The following SESTD1 variants were observed in gnomAD, a reference collection of about 807,000 sequenced individuals.
SESTD1 encodes SEC14 and spectrin domain containing 1.
SESTD1 carries 43 observed loss-of-function variants against 101.7 expected under a neutral mutation model. The ratio of observed to expected loss-of-function variants is 0.42; its 90% CI spans 0.33 to 0.55. The LOEUF (loss-of-function observed/expected upper bound fraction) is 0.55. SESTD1 is among the 20% of genes least tolerant of loss of function. The pLI is 0.07. For missense variants in SESTD1, 647 were observed against 815.1 expected (o/e 0.79, Z 2.51); for synonymous variants, 283 against 286.8 (o/e 0.99, Z 0.13).
At chr2:179,124,607 G>A in intron 10 of SESTD1, 49 bp from the exon 11 acceptor site, 1 of 1,434,556 alleles carries the variant, frequency 7.0e-7, no homozygotes, top group Non-Finnish European at 9.6e-7. Context: ...TTAGTTCCTG[G>A]AAGAGATTAC....
At chr2:179,231,966 T>A (rs2046995324) in intron 1 of SESTD1, among the ~76,000 whole-genome samples, 2 of 152,108 alleles carry the variant, frequency 1.3e-5, no homozygotes, top group South Asian at 4.1e-4. Flanking sequence ...ACTACAGGGA[T>A]GTACAGACAT....
chr2:179,249,732 A>G (rs990943717), intron 1 of SESTD1, among the ~76,000 whole-genome samples: 1 of 152,196 alleles, frequency 6.6e-6, no homozygotes, highest in African/African-American at 2.4e-5. Context: ...AGTAGAAGGA[A>G]TCAGTTAACC....
At chr2:179,169,537 G>C (rs2045894020) in intron 5 of SESTD1, among the ~76,000 whole-genome samples, 1 of 151,986 alleles carries the variant, frequency 6.6e-6, no homozygotes, top group Admixed American at 6.6e-5. Flanking sequence ...AAAACAGGCA[G>C]ACACAACATT....
chr2:179,206,312 A>C (rs952771880), intron 1 of SESTD1, among the ~76,000 whole-genome samples: 1 of 134,468 alleles, frequency 7.4e-6, no homozygotes, highest in African/African-American at 2.9e-5. Context: ...ACCACAAAAC[A>C]GCTAAAAAAC....
intron 1 of SESTD1, among the ~76,000 whole-genome samples, chr2:179,254,033 G>C (rs1311130086): frequency 6.6e-6 from 1 of 152,070 alleles, no homozygotes; most frequent in Non-Finnish European, 1.5e-5. Context: ...CCAGAAGGTT[G>C]AGGCTGCAGA....
chr2:179,181,435 A>C (rs1042293927), intron 3 of SESTD1, among the ~76,000 whole-genome samples: 1 of 152,220 alleles, frequency 6.6e-6, no homozygotes, highest in African/African-American at 2.4e-5. Flanking sequence ...TCATGGAAAG[A>C]TAATACAGTC....
intron 5 of SESTD1, among the ~76,000 whole-genome samples, chr2:179,160,446 A>C (rs1286801845): frequency 6.6e-6 from 1 of 151,856 alleles, no homozygotes; most frequent in Non-Finnish European, 1.5e-5. Flanking sequence ...TTAAAAGTAC[A>C]AAATGGCACA....
At position 179,132,377 on chromosome 2, in the gene SESTD1, C is replaced by A; in HGVS notation, c.899G>T (p.Trp300Leu). ...GGCCCTAATGGAGTCTCCAATGCCC[C>A]ACTGGGCTCTTAGTTGTTCTGATCC... ...GPGSEQLRAQWGIGDSIRASQ... is the reference protein window; with the variant it reads ...GPGSEQLRAQLGIGDSIRASQ... The change falls in exon 10 of 18, where the codon TGG becomes TTG. Residue 300 changes from tryptophan to leucine, a missense_variant. By Grantham distance (61) the Trp-to-Leu change is moderately conservative. This residue lies in a region of SESTD1 where 476 missense variants were observed against 562.6 expected (regional missense o/e 0.85). Coordinates refer to ENST00000428443, the MANE Select transcript of SESTD1 (RefSeq NM_178123.5). The A allele has an allele frequency of 6.4e-7, 1 of 1,568,678 alleles. No homozygotes were observed. The highest frequency in any genetic ancestry group is 2.1e-5 in the Admixed American group (1 of 47,594).
At chr2:179,172,757 TTGA>T (rs1299505884) in intron 4 of SESTD1, among the ~76,000 whole-genome samples, 2 of 152,238 alleles carry the variant, frequency 1.3e-5, no homozygotes, top group East Asian at 3.8e-4. Flanking sequence ...TCACATTTAC[TTGA>T]TATGGTTACT....
intron 1 of SESTD1, among the ~76,000 whole-genome samples, chr2:179,216,139 C>A (rs1043641430): frequency 7.4e-6 from 1 of 134,376 alleles, no homozygotes; most frequent in Admixed American, 7.3e-5. Context: ...CTGGCCAGGG[C>A]AATTAGGCAG....
chr2:179,259,480 A>G (rs1474694142), intron 1 of SESTD1, among the ~76,000 whole-genome samples: 1 of 152,104 alleles, frequency 6.6e-6, no homozygotes, highest in African/African-American at 2.4e-5. Context: ...CACCTGCCTC[A>G]GCCTCTCAAA....
intron 10 of SESTD1, among the ~76,000 whole-genome samples, chr2:179,129,840 A>G (rs996490607): frequency 6.6e-6 from 1 of 152,212 alleles, no homozygotes; most frequent in African/African-American, 2.4e-5. Flanking sequence ...AGTGCCACCT[A>G]TTGGCTAAAA....
chr2:179,165,463 G>T (rs1196772823), intron 5 of SESTD1, among the ~76,000 whole-genome samples: 1 of 152,142 alleles, frequency 6.6e-6, no homozygotes, highest in Non-Finnish European at 1.5e-5. Flanking sequence ...ATCTTCCGTG[G>T]TACCGGGTGT....
At chr2:179,247,637 G>C (rs115436609) in intron 1 of SESTD1, among the ~76,000 whole-genome samples, 2 of 150,840 alleles carry the variant, frequency 1.3e-5, no homozygotes, top group Non-Finnish European at 2.9e-5. Flanking sequence ...ACAAGATCTC[G>C]TTATGTTGCC....
Position 179,212,386 on chromosome 2 carries a change from G to A in SESTD1, c.-25-20520C>T, listed in dbSNP as rs761648622. ...AGCAGGTCCCATGCCCACGGAGCTT[G>A]CTCACTGCTAGCGCAGCAATCTGAG... On this transcript the variant is annotated intron_variant, in intron 1 of 17. Transcript: ENST00000428443. Among the ~76,000 whole-genome samples, 3 of 136,506 alleles carry A rather than the reference G, an allele frequency of 2.2e-5. 1 individual carries two copies. Among genetic ancestry groups the A allele is most frequent in the South Asian group, 5.5e-4 (2 of 3,654 alleles). 89.6% of individuals were successfully genotyped at this position (136,506 alleles called of 152,430 possible). A position where few individuals can be genotyped will look rare whatever the true frequency, so the allele number is the denominator to read the frequency against.
intron 2 of SESTD1, 85 bp downstream of exon 2, chr2:179,191,702 A>G (rs1405761154): frequency 6.2e-6 from 7 of 1,121,494 alleles, no homozygotes; most frequent in Non-Finnish European, 9.1e-6. Flanking sequence ...TCATTAAAAA[A>G]AAATGCATCT....
chr2:179,214,686 T>C (rs888371646), intron 1 of SESTD1, among the ~76,000 whole-genome samples: 2 of 135,164 alleles, frequency 1.5e-5, no homozygotes, highest in Non-Finnish European at 3.2e-5. Context: ...AGAACACACA[T>C]TCTTCTCAGC....
At chr2:179,115,640 T>G (rs963107471) in intron 15 of SESTD1, among the ~76,000 whole-genome samples, 1 of 152,028 alleles carries the variant, frequency 6.6e-6, no homozygotes, top group African/African-American at 2.4e-5. Flanking sequence ...CCTAGCTACC[T>G]TGGAGGCTGA....
intron 5 of SESTD1, among the ~76,000 whole-genome samples, chr2:179,169,830 T>G (rs2045899833): frequency 6.6e-6 from 1 of 151,806 alleles, no homozygotes; most frequent in African/African-American, 2.4e-5. Flanking sequence ...CAAAATTAGC[T>G]GGGTGTGGTG....
Sources: allele counts gnomAD v4.1 joint callset (sites outside exome capture counted in the v4.1 genomes callset), GRCh38; gene constraint gnomAD v4.1.1; regional missense constraint gnomAD v4.1.1; transcripts MANE v1.5; gene names NCBI Gene and HGNC (gene_info 2026-07-23, HGNC 2026-07-21).